The following MACROD2 variants were observed in gnomAD, a reference collection of about 807,000 sequenced individuals.
MACROD2 encodes mono-ADP ribosylhydrolase 2.
In MACROD2, 36 loss-of-function variants were observed where a neutral mutation model predicts 70.4. The observed-to-expected ratio is 0.51, with a 90% CI of 0.39 to 0.68. The LOEUF (loss-of-function observed/expected upper bound fraction) is 0.68, where lower values mean the gene tolerates loss of function less well. Ranked by LOEUF, MACROD2 falls within the 30% of genes least tolerant of loss-of-function variation. The pLI is 0.00. For synonymous variants in MACROD2, 172 were observed against 178.8 expected (o/e 0.96, Z 0.30); for missense variants, 496 against 538.4 (o/e 0.92, Z 0.78).
chr20:14,443,614 T>G (rs2084151213), intron 3 of MACROD2, among the ~76,000 whole-genome samples: 1 of 152,068 alleles, frequency 6.6e-6, no homozygotes, highest in African/African-American at 2.4e-5. Flanking sequence ...TGCTATTATA[T>G]GCCAAAATGG....
chr20:14,996,556 A>G (rs931612884), intron 5 of MACROD2, among the ~76,000 whole-genome samples: 2 of 152,180 alleles, frequency 1.3e-5, no homozygotes, highest in African/African-American at 4.8e-5. Context: ...TAGGTGAGTG[A>G]TCACAGTACT....
chr20:15,804,745 CAG>C (rs1349291522), intron 8 of MACROD2, among the ~76,000 whole-genome samples: 1 of 152,146 alleles, frequency 6.6e-6, no homozygotes, highest in Non-Finnish European at 1.5e-5. Context: ...TCATGGAAGC[CAG>C]TCTGCTGGCT....
At chr20:15,446,700 C>A (rs1190276610) in intron 7 of MACROD2, among the ~76,000 whole-genome samples, 2 of 152,200 alleles carry the variant, frequency 1.3e-5, no homozygotes, top group African/African-American at 2.4e-5. Flanking sequence ...AGTTCTGAAT[C>A]CCTTAGCAAG....
chr20:14,241,322 A>G (rs2081927832), intron 3 of MACROD2, among the ~76,000 whole-genome samples: 1 of 152,168 alleles, frequency 6.6e-6, no homozygotes, highest in African/African-American at 2.4e-5. Flanking sequence ...TAAAAACTGA[A>G]AATTTATGTG....
intron 3 of MACROD2, among the ~76,000 whole-genome samples, chr20:14,227,363 T>C (rs1483134295): frequency 6.6e-6 from 1 of 152,100 alleles, no homozygotes; most frequent in African/African-American, 2.4e-5. Flanking sequence ...TTGGTACTGT[T>C]CTCTCTTTGG....
At chr20:14,017,165 A>G (rs1030778066) in intron 2 of MACROD2, among the ~76,000 whole-genome samples, 1 of 152,158 alleles carries the variant, frequency 6.6e-6, no homozygotes, top group Non-Finnish European at 1.5e-5. Context: ...GTGTACAGAA[A>G]TGAAACTGAT....
chr20:15,191,415 C>G (rs1013833591), intron 5 of MACROD2, among the ~76,000 whole-genome samples: 1 of 152,220 alleles, frequency 6.6e-6, no homozygotes, highest in African/African-American at 2.4e-5. Flanking sequence ...ATGCCAGGAA[C>G]AGTTCACCTC....
At chr20:14,712,190 C>T (rs965965595) in intron 5 of MACROD2, among the ~76,000 whole-genome samples, 1 of 152,022 alleles carries the variant, frequency 6.6e-6, no homozygotes, top group Non-Finnish European at 1.5e-5. Flanking sequence ...GTTGGAAATA[C>T]ACACTTATTT....
intron 4 of MACROD2, among the ~76,000 whole-genome samples, chr20:14,644,986 T>C (rs1985306523): frequency 6.6e-6 from 1 of 152,142 alleles, no homozygotes; most frequent in African/African-American, 2.4e-5. Context: ...CACTTATGGA[T>C]TGAACAACTG....
At chr20:14,500,463 G>T (rs931360460) in intron 4 of MACROD2, among the ~76,000 whole-genome samples, 2 of 152,158 alleles carry the variant, frequency 1.3e-5, no homozygotes, top group African/African-American at 4.8e-5. Context: ...CATTCCACAT[G>T]AACTTGTCTA....
In MACROD2 at chr20:14,255,472, G is replaced by A. The variant is rs1007587751; in HGVS notation, c.271+169744G>A. Among the ~76,000 whole-genome samples the A allele has an allele frequency of 6.6e-5, 10 of 151,888 alleles. No homozygotes were observed. In the South Asian group the frequency reaches 1.9e-3, roughly 28 times the overall value. ...ACACCGCATGTTCTCACTCATAGGT[G>A]GGAATTGAACAATGAGAACACATGG... is the stretch of plus-strand genomic sequence containing the variant. On this transcript the variant is annotated intron_variant, in intron 3 of 17. Coordinates refer to ENST00000684519, the MANE Select transcript of MACROD2 (RefSeq NM_001351661.2).
chr20:14,083,282 G>A (rs1042289044), intron 2 of MACROD2, among the ~76,000 whole-genome samples: 2 of 151,942 alleles, frequency 1.3e-5, no homozygotes, highest in African/African-American at 4.8e-5. Context: ...AAATAGCTGG[G>A]CGTGGTGGTG....
intron 9 of MACROD2, among the ~76,000 whole-genome samples, 159 bp downstream of exon 9, chr20:15,862,985 C>T (rs1357983788): frequency 2.6e-5 from 4 of 151,634 alleles, no homozygotes; most frequent in Non-Finnish European, 5.9e-5. Context: ...AACAGAAAAT[C>T]TAGGCTGTGG....
intron 13 of MACROD2, among the ~76,000 whole-genome samples, chr20:15,980,346 T>C (rs1246416812): frequency 6.6e-6 from 1 of 152,218 alleles, no homozygotes; most frequent in Non-Finnish European, 1.5e-5. Flanking sequence ...CTCTCTTCCC[T>C]CATTTCCCCC....
intron 3 of MACROD2, among the ~76,000 whole-genome samples, chr20:14,195,999 G>A (rs572424984): frequency 1.8e-4 from 27 of 152,262 alleles, no homozygotes; most frequent in African/African-American, 6.3e-4. Context: ...AAAGAGCACC[G>A]TGTAACACAC....
chr20:15,149,322 C>T (rs1160998976), intron 5 of MACROD2, among the ~76,000 whole-genome samples: 2 of 152,022 alleles, frequency 1.3e-5, no homozygotes, highest in Non-Finnish European at 2.9e-5. Flanking sequence ...CATAGCCTGC[C>T]TTTGCTGGTG....
chr20:15,582,180 A>T (rs1376208025), intron 8 of MACROD2, among the ~76,000 whole-genome samples: 3 of 151,684 alleles, frequency 2.0e-5, no homozygotes, highest in Admixed American at 6.6e-5. Context: ...GAGGAGGCTC[A>T]CGGGAGTCTT....
At chr20:14,696,200 A>G (rs74659883) in intron 5 of MACROD2, among the ~76,000 whole-genome samples, 2,036 of 152,286 alleles carry the variant, frequency 0.013, 46 homozygotes, top group African/African-American at 0.046. Context: ...AGATAGATAG[A>G]TAGTCAAAGA....
At position 16,035,385 on chromosome 20, in the gene MACROD2, C is replaced by A. The variant is rs578201000; in HGVS notation, c.1154-5816C>A. ...GCAATCCCACTACTGAGTATCTACC[C>A]AGAGGAAAAGAAGTGAGCAGAGTTT... On this transcript the variant is annotated intron_variant, in intron 15 of 17. Transcript: ENST00000684519. 1.6e-4 allele frequency among the ~76,000 whole-genome samples: 24 copies of A among 151,404 alleles called. 1 individual carries two copies. In the Middle Eastern group the frequency reaches 0.014, roughly 86 times the overall value.
Sources: gnomAD v4.1 joint callset for allele counts (sites outside exome capture counted in the v4.1 genomes callset) on GRCh38, gnomAD v4.1.1 for gene constraint, MANE v1.5 for transcripts, NCBI Gene and HGNC (gene_info 2026-07-23, HGNC 2026-07-21) for gene names.